AGO4: variants seen among roughly 807,000 people sequenced by gnomAD.
AGO4 encodes the protein argonaute RISC component 4, also known as protein argonaute-4.
Under a neutral mutation model 104.7 loss-of-function variants are expected in AGO4, and 33 were observed. The observed-to-expected ratio is 0.32, with a 90% CI of 0.24 to 0.42. The LOEUF (loss-of-function observed/expected upper bound fraction) is 0.42. Among genes scored for constraint, AGO4 ranks in the 10% least tolerant of loss-of-function variants. The probability of loss-of-function intolerance (pLI) is 1.00; values close to 1 mark genes in which losing one functional copy is unlikely to be tolerated. For missense variants in AGO4, 711 were observed against 1,083.4 expected, an observed-to-expected ratio of 0.66 and a Z score of 4.83; for synonymous variants, 331 against 364.7, an observed-to-expected ratio of 0.91 and a Z score of 1.05.
rs1644705925 is a variant in AGO4, at chr1:35,851,774, C to T, written c.2477+721C>T. 2.0e-5 allele frequency among the ~76,000 whole-genome samples: 3 copies of T among 152,164 alleles called. 1 individual carries two copies. Among genetic ancestry groups the T allele is most frequent in the Admixed American group, 2.0e-4 (3 of 15,282 alleles). On this transcript the variant is annotated intron_variant, in intron 17 of 17. Coordinates refer to ENST00000373210, the MANE Select transcript of AGO4 (RefSeq NM_017629.4). ...TGTCCAACTGTGGCTTTGTACCTTC[C>T]ATTCCGTAATGTGCTTTCATTTATT...
chr1:35,834,821 G>T (rs542779533), intron 12 of AGO4, among the ~76,000 whole-genome samples: 2 of 151,866 alleles, frequency 1.3e-5, no homozygotes, highest in Non-Finnish European at 2.9e-5. Flanking sequence ...TCAGGCTCTC[G>T]AGTAGCTGGG....
Position 35,822,974 on chromosome 1 carries a change from C to T in AGO4, c.298C>T (p.Arg100Trp), listed in dbSNP as rs545951478. The T allele has an allele frequency of 1.1e-5, 18 of 1,613,710 alleles. No individual in the cohort carries two copies. Among genetic ancestry groups the T allele is most frequent in the Non-Finnish European group, 1.3e-5 (15 of 1,179,840 alleles). Reference sequence around the variant, plus strand: ...CACAGCACATCCACTACCAATTGGACGGGATAGGGTAAGTGTTAAGAGCAA... The same window carrying T: ...CACAGCACATCCACTACCAATTGGATGGGATAGGGTAAGTGTTAAGAGCAA... ...MYTAHPLPIG[R>W]DRVDMEVTLP... Residue 100 changes from arginine (R) to tryptophan (W), a missense_variant, in exon 3 of 18, where the codon CGG becomes TGG. Physicochemically the swap from Arg to Trp is moderately radical, Grantham distance 101. Around this residue, in one of 3 missense-constraint regions of AGO4, gnomAD observed 308 missense variants for 397.8 expected, o/e 0.77. Coordinates refer to ENST00000373210, the MANE Select transcript of AGO4 (RefSeq NM_017629.4).
intron 15 of AGO4, among the ~76,000 whole-genome samples, chr1:35,846,326 G>A (rs946826396): frequency 4.6e-5 from 7 of 151,956 alleles, no homozygotes; most frequent in Admixed American, 3.3e-4. Context: ...GGCCAGGTGC[G>A]GTGGCTGACA....
At chr1:35,838,582 T>C (rs563748561) in intron 13 of AGO4, among the ~76,000 whole-genome samples, 1 of 152,292 alleles carries the variant, frequency 6.6e-6, no homozygotes, top group East Asian at 1.9e-4. Context: ...CCTCCCTTCA[T>C]AGGTTTTTTT....
intron 2 of AGO4, among the ~76,000 whole-genome samples, chr1:35,822,121 C>T (rs1460460946): frequency 6.6e-6 from 1 of 152,064 alleles, no homozygotes; most frequent in East Asian, 1.9e-4. Context: ...CTCAAGTGAT[C>T]CACCTGCCTC....
At chr1:35,847,558 G>A (rs1158253330) in intron 15 of AGO4, among the ~76,000 whole-genome samples, 9 of 152,132 alleles carry the variant, frequency 5.9e-5, no homozygotes, top group Non-Finnish European at 1.2e-4. Flanking sequence ...TGTGTACTGG[G>A]CCACATTCAA....
intron 15 of AGO4, among the ~76,000 whole-genome samples, chr1:35,845,740 G>A (rs1486310032): frequency 6.6e-6 from 1 of 152,124 alleles, no homozygotes; most frequent in Non-Finnish European, 1.5e-5. Flanking sequence ...TATTTGCTTA[G>A]ATTCTCTATA....
intron 13 of AGO4, among the ~76,000 whole-genome samples, chr1:35,837,494 C>T (rs1394458831): frequency 6.6e-6 from 1 of 152,090 alleles, no homozygotes; most frequent in Non-Finnish European, 1.5e-5. Flanking sequence ...ATCCTCCCAC[C>T]TCAGCCTCCC....
chr1:35,809,685 G>A (rs1310339917), intron 1 of AGO4, among the ~76,000 whole-genome samples: 1 of 152,136 alleles, frequency 6.6e-6, no homozygotes, highest in African/African-American at 2.4e-5. Context: ...CAGGTCTTTA[G>A]GAATGTAACA....
At chr1:35,826,677 C>A in intron 6 of AGO4, 71 bp from the exon 7 acceptor site, 2 of 1,286,062 alleles carry the variant, frequency 1.6e-6, no homozygotes, top group Non-Finnish European at 2.2e-6. Flanking sequence ...ATTTTGAAGA[C>A]AACATTTGAA....
chr1:35,833,690 A>C (rs1485432082), intron 11 of AGO4, among the ~76,000 whole-genome samples: 1 of 152,214 alleles, frequency 6.6e-6, no homozygotes, highest in East Asian at 1.9e-4. Flanking sequence ...TGTTTAAAAG[A>C]TCTTTGAACA....
chr1:35,811,516 A>T (rs190764107), intron 1 of AGO4, among the ~76,000 whole-genome samples: 10 of 152,148 alleles, frequency 6.6e-5, no homozygotes, highest in African/African-American at 9.6e-5. Context: ...TTTGAGCACT[A>T]ACTATGATTA....
chr1:35,837,049 T>C (rs1644330935), intron 13 of AGO4, among the ~76,000 whole-genome samples: 1 of 152,194 alleles, frequency 6.6e-6, no homozygotes, highest in Admixed American at 6.5e-5. Flanking sequence ...CATTTTCATA[T>C]GCTCATTAGC....
At chr1:35,835,657 CAG>C (rs1025167623) in intron 12 of AGO4, among the ~76,000 whole-genome samples, 175 bp from the exon 13 acceptor site, 8 of 151,976 alleles carry the variant, frequency 5.3e-5, no homozygotes, top group South Asian at 2.1e-4. Context: ...TATCCAAACA[CAG>C]GGGGAAAAAT....
Position 35,825,921 on chromosome 1 carries a change from G to C in AGO4, c.626-5G>C. ...TGAAGTGAAGTATCCTTCTCTGTTTGTTAGTATCTGCAACTGCTTTCTACC... is the reference window on the plus strand; with the variant it reads ...TGAAGTGAAGTATCCTTCTCTGTTTCTTAGTATCTGCAACTGCTTTCTACC... On this transcript the variant is annotated splice_region_variant and splice_polypyrimidine_tract_variant and intron_variant, in intron 5 of 17. Coordinates refer to ENST00000373210, the MANE Select transcript of AGO4 (RefSeq NM_017629.4). 6.2e-7 allele frequency: 1 copy of C among 1,613,716 alleles called. No homozygotes were observed. The highest frequency in any genetic ancestry group is 8.5e-7 in the Non-Finnish European group (1 of 1,179,902).
At chr1:35,821,776 C>T (rs190055761) in intron 2 of AGO4, among the ~76,000 whole-genome samples, 7 of 152,298 alleles carry the variant, frequency 4.6e-5, no homozygotes, top group African/African-American at 1.7e-4. Flanking sequence ...TAATAAATCA[C>T]TGGCATTAGG....
rs548431581 is a variant in AGO4, at chr1:35,853,723, C to T, written c.*118C>T. 195 of 769,222 alleles carry T rather than the reference C, an allele frequency of 2.5e-4. 1 individual carries two copies. Among genetic ancestry groups the T allele is most frequent in the Middle Eastern group, 7.2e-4 (3 of 4,160 alleles). 47.6% of individuals were successfully genotyped at this position (769,222 alleles called of 1,614,324 possible). On this transcript the variant is annotated 3_prime_UTR_variant, in exon 18 of 18. Coordinates refer to ENST00000373210, the MANE Select transcript of AGO4 (RefSeq NM_017629.4). ...TTCAGGTGGTCTTCTACCAGCAGCT[C>T]GGAATAGTTGCACTGAATCTATACT...
intron 2 of AGO4, among the ~76,000 whole-genome samples, chr1:35,817,500 A>G (rs953008895): frequency 2.0e-5 from 3 of 152,158 alleles, no homozygotes; most frequent in Admixed American, 6.6e-5. Context: ...GTACTGAGAA[A>G]ACTAAGCACA....
intron 7 of AGO4, among the ~76,000 whole-genome samples, chr1:35,829,484 T>C (rs1228652356): frequency 6.6e-6 from 1 of 152,180 alleles, no homozygotes; most frequent in African/African-American, 2.4e-5. Flanking sequence ...TATATTTAAA[T>C]ATCACATAGA....
Sources: gnomAD v4.1 joint callset for allele counts (sites outside exome capture counted in the v4.1 genomes callset) on GRCh38, gnomAD v4.1.1 for gene constraint, gnomAD v4.1.1 regional missense constraint, MANE v1.5 for transcripts, NCBI Gene and HGNC (gene_info 2026-07-23, HGNC 2026-07-21) for gene names.